Variants in CNTN5 observed in about 807,000 individuals in gnomAD.
The protein encoded by CNTN5 is contactin 5.
In CNTN5, 77 loss-of-function variants were observed where a neutral mutation model predicts 129.1. The observed-to-expected ratio is 0.60, with a 90% CI of 0.50 to 0.72. The LOEUF is 0.72. CNTN5 is among the 30% of genes least tolerant of loss of function. CNTN5 has a pLI of 0.00. For synonymous variants in CNTN5, 509 were observed against 465.6 expected (o/e 1.09, Z -1.20); for missense variants, 1,478 against 1,328.8 (o/e 1.11, Z -1.75).
At chr11:100,196,056 G>T (rs768461628) in intron 15 of CNTN5, among the ~76,000 whole-genome samples, 43 of 151,882 alleles carry the variant, frequency 2.8e-4, no homozygotes, top group Non-Finnish European at 3.4e-4. Context: ...GGTGACTCAA[G>T]GTCTGCTTTG....
chr11:99,556,554 AATATATAT>A lies in CNTN5; in HGVS notation c.55+318_55+325del, dbSNP rs199758207. Among the ~76,000 whole-genome samples the A allele has an allele frequency of 1.5e-3, 106 of 72,332 alleles. 1 individual carries two copies. Among genetic ancestry groups the A allele is most frequent in the South Asian group, 3.7e-3 (8 of 2,184 alleles). The allele number at this position is 72,332 out of a possible 152,430, so 47.5% of individuals were successfully genotyped here. On this transcript the variant is annotated intron_variant, in intron 3 of 24. Coordinates refer to ENST00000524871, the MANE Select transcript of CNTN5 (RefSeq NM_014361.4). ...CCATCTAGCTTTCAGAAGGCTTGGA[AATATATAT>A]ATATATATATATATATATATATATA...
intron 13 of CNTN5, among the ~76,000 whole-genome samples, chr11:100,162,238 C>T (rs1378729799): frequency 4.6e-5 from 7 of 151,930 alleles, no homozygotes; most frequent in East Asian, 2.0e-4. Context: ...AGAATAATGC[C>T]TGACACATAT....
chr11:99,760,689 C>T (rs1303593649), intron 3 of CNTN5, among the ~76,000 whole-genome samples: 1 of 152,026 alleles, frequency 6.6e-6, no homozygotes, highest in Non-Finnish European at 1.5e-5. Context: ...TGAATACTGA[C>T]TCTCTTAAAG....
intron 3 of CNTN5, among the ~76,000 whole-genome samples, chr11:99,788,961 C>G (rs954883630): frequency 6.6e-6 from 1 of 151,726 alleles, no homozygotes; most frequent in Admixed American, 6.6e-5. Flanking sequence ...CTCTCAAAAT[C>G]TAGTAGCTTA....
chr11:99,852,362 T>G (rs370592894), intron 6 of CNTN5, among the ~76,000 whole-genome samples: 1 of 152,208 alleles, frequency 6.6e-6, no homozygotes, highest in African/African-American at 2.4e-5. Flanking sequence ...AAATACTGTA[T>G]AGATGGTGTC....
At chr11:99,950,191 T>C (rs1343196042) in intron 7 of CNTN5, among the ~76,000 whole-genome samples, 1 of 152,154 alleles carries the variant, frequency 6.6e-6, no homozygotes, top group Non-Finnish European at 1.5e-5. Context: ...AATATCTTGA[T>C]TCTGAGGCTG....
chr11:100,260,884 A>G (rs889375951), intron 17 of CNTN5, among the ~76,000 whole-genome samples: 6 of 152,206 alleles, frequency 3.9e-5, no homozygotes, highest in Non-Finnish European at 7.3e-5. Flanking sequence ...GAAAACTGGC[A>G]CAAGACAAGG....
At chr11:99,875,395 C>T (rs1311002084) in intron 6 of CNTN5, among the ~76,000 whole-genome samples, 2 of 152,092 alleles carry the variant, frequency 1.3e-5, no homozygotes, top group Admixed American at 1.3e-4. Context: ...ACTCTTCATA[C>T]TTAAAGTGGA....
intron 7 of CNTN5, among the ~76,000 whole-genome samples, chr11:99,922,278 C>A (rs1419887527): frequency 6.6e-6 from 1 of 152,156 alleles, no homozygotes; most frequent in African/African-American, 2.4e-5. Flanking sequence ...GAAAAATTCA[C>A]CCCCATGATT....
At chr11:99,260,910 C>G (rs144449560) in intron 1 of CNTN5, among the ~76,000 whole-genome samples, 1 of 151,872 alleles carries the variant, frequency 6.6e-6, no homozygotes, top group Non-Finnish European at 1.5e-5. Flanking sequence ...CCAAACTCTT[C>G]GGAAGCAAGA....
chr11:99,162,701 A>G (rs1860674414), intron 1 of CNTN5, among the ~76,000 whole-genome samples: 1 of 152,212 alleles, frequency 6.6e-6, no homozygotes, highest in East Asian at 1.9e-4. Flanking sequence ...GCTATGAGGT[A>G]GATATTACTT....
chr11:99,596,337 G>A (rs1950125582), intron 3 of CNTN5, among the ~76,000 whole-genome samples: 2 of 152,152 alleles, frequency 1.3e-5, no homozygotes, highest in South Asian at 4.1e-4. Flanking sequence ...CATAGTAAGA[G>A]CAAGGAGTTC....
chr11:99,664,353 G>C (rs1049429611), intron 3 of CNTN5, among the ~76,000 whole-genome samples: 4 of 152,084 alleles, frequency 2.6e-5, no homozygotes, highest in African/African-American at 7.2e-5. Flanking sequence ...CGGGTATCCA[G>C]CTTGAATTTA....
intron 2 of CNTN5, among the ~76,000 whole-genome samples, chr11:99,467,196 T>C (rs552466512): frequency 2.3e-4 from 35 of 152,272 alleles, no homozygotes; most frequent in African/African-American, 8.4e-4. Flanking sequence ...AAACAAAACT[T>C]TAATATAGTT....
rs532831749 is a variant in CNTN5, at chr11:100,238,538, G to C, written c.2005+13726G>C. ...GGAAGAGGAGGAGGGGGTAGAAGAG[G>C]AGGAGGAGGAGGGGGAAGAAGAGGA... On this transcript the variant is annotated intron_variant, in intron 16 of 24. Coordinates refer to ENST00000524871, the MANE Select transcript of CNTN5 (RefSeq NM_014361.4). 7.8e-4 allele frequency among the ~76,000 whole-genome samples: 116 copies of C among 149,662 alleles called. 1 individual carries two copies. Among genetic ancestry groups the C allele is most frequent in the African/African-American group, 2.8e-3 (112 of 40,678 alleles).
intron 1 of CNTN5, among the ~76,000 whole-genome samples, chr11:99,190,202 A>G (rs931645129): frequency 2.6e-5 from 4 of 151,666 alleles, no homozygotes; most frequent in South Asian, 4.2e-4. Context: ...TCAATTGCCC[A>G]TAAACACATG....
At chr11:99,123,715 A>AT (rs1434171417) in intron 1 of CNTN5, among the ~76,000 whole-genome samples, 1 of 144,216 alleles carries the variant, frequency 6.9e-6, no homozygotes, top group African/African-American at 2.6e-5. Flanking sequence ...TCTTGAGTTG[A>AT]TTTTTGTATA....
At chr11:99,050,552 T>C (rs1864386019) in intron 1 of CNTN5, among the ~76,000 whole-genome samples, 1 of 151,764 alleles carries the variant, frequency 6.6e-6, no homozygotes, top group Non-Finnish European at 1.5e-5. Flanking sequence ...TCTTTTTAAA[T>C]TGAAAGACTA....
At chr11:99,790,519 A>G (rs1007810374) in intron 3 of CNTN5, among the ~76,000 whole-genome samples, 5 of 152,010 alleles carry the variant, frequency 3.3e-5, no homozygotes, top group African/African-American at 1.2e-4. Flanking sequence ...TTTTTATTGC[A>G]GCTTAGTGTT....
Sources: allele counts gnomAD v4.1 joint callset (sites outside exome capture counted in the v4.1 genomes callset), GRCh38; gene constraint gnomAD v4.1.1; transcripts MANE v1.5; gene names NCBI Gene and HGNC (gene_info 2026-07-23, HGNC 2026-07-21).